Variants in DLGAP2 observed in about 807,000 individuals in gnomAD.
DLGAP2 encodes disks large-associated protein 2.
DLGAP2 carries 26 observed loss-of-function variants against 100.3 expected under a neutral mutation model. The ratio of observed to expected loss-of-function variants is 0.26; its 90% CI spans 0.19 to 0.36. DLGAP2 has a LOEUF of 0.36. Ranked by LOEUF, DLGAP2 falls within the 10% of genes least tolerant of loss-of-function variation. DLGAP2 has a pLI of 1.00. For synonymous variants in DLGAP2, 886 were observed against 630.1 expected (o/e 1.41, Z -6.08); for missense variants, 1,858 against 1,453.2 (o/e 1.28, Z -4.53).
At chr8:867,669 T>G (rs1797524134) in intron 1 of DLGAP2, among the ~76,000 whole-genome samples, 1 of 152,222 alleles carries the variant, frequency 6.6e-6, no homozygotes, top group Non-Finnish European at 1.5e-5. Flanking sequence ...GCCTCATGAT[T>G]TAATGTGAGA....
At chr8:1,278,688 T>C (rs4601344) in intron 3 of DLGAP2, among the ~76,000 whole-genome samples, 133,648 of 152,254 alleles carry the variant, frequency 0.88, 58,972 homozygotes, top group African/African-American at 0.97. Flanking sequence ...TGTGACCCTC[T>C]TATCTATATG....
chr8:802,649 G>T (rs1383879582), intron 1 of DLGAP2, among the ~76,000 whole-genome samples: 1 of 152,096 alleles, frequency 6.6e-6, no homozygotes, highest in Non-Finnish European at 1.5e-5. Flanking sequence ...CACCGTCTCA[G>T]GGGTCTTTTA....
chr8:1,595,084 C>G (rs1042366727), intron 6 of DLGAP2, among the ~76,000 whole-genome samples: 1 of 152,024 alleles, frequency 6.6e-6, no homozygotes, highest in East Asian at 1.9e-4. Flanking sequence ...CTCTGTCACC[C>G]AGGCTGGAGT....
At chr8:1,414,736 C>G (rs540559927) in intron 3 of DLGAP2, among the ~76,000 whole-genome samples, 1 of 152,156 alleles carries the variant, frequency 6.6e-6, no homozygotes, top group Non-Finnish European at 1.5e-5. Context: ...TGGCTGGGCA[C>G]GGTGGTGCAT....
chr8:1,219,180 G>A (rs1024063777), intron 2 of DLGAP2, among the ~76,000 whole-genome samples: 1 of 152,066 alleles, frequency 6.6e-6, no homozygotes, highest in Admixed American at 6.6e-5. Flanking sequence ...AGTGTGAGAG[G>A]GCATTCTTGT....
At chr8:787,186 G>T (rs1442880641) in intron 1 of DLGAP2, among the ~76,000 whole-genome samples, 1 of 152,166 alleles carries the variant, frequency 6.6e-6, no homozygotes, top group Non-Finnish European at 1.5e-5. Context: ...CCCAGCCTCA[G>T]CTGGTCCTTC....
chr8:1,546,703 G>T (rs1008681885), intron 4 of DLGAP2, among the ~76,000 whole-genome samples: 2 of 152,180 alleles, frequency 1.3e-5, no homozygotes, highest in Non-Finnish European at 2.9e-5. Flanking sequence ...TGCTCAGGGA[G>T]TCAGAGTGGG....
At chr8:757,400 C>T (rs964606147) in intron 1 of DLGAP2, among the ~76,000 whole-genome samples, 1 of 152,200 alleles carries the variant, frequency 6.6e-6, no homozygotes, top group African/African-American at 2.4e-5. Context: ...CATGTGTCGG[C>T]CATGGTGCAG....
At chr8:1,472,939 CA>C (rs1250451216) in intron 3 of DLGAP2, among the ~76,000 whole-genome samples, 1 of 151,832 alleles carries the variant, frequency 6.6e-6, no homozygotes, top group Non-Finnish European at 1.5e-5. Context: ...ATAATTCACA[CA>C]ATTTTTTTTT....
chr8:1,493,320 G>T (rs1799447957), intron 3 of DLGAP2, among the ~76,000 whole-genome samples: 1 of 151,786 alleles, frequency 6.6e-6, no homozygotes, highest in Non-Finnish European at 1.5e-5. Flanking sequence ...CCATCTCCGT[G>T]GCTTTCAGAC....
intron 3 of DLGAP2, among the ~76,000 whole-genome samples, chr8:1,385,754 A>G (rs1340259563): frequency 1.8e-4 from 17 of 95,986 alleles, no homozygotes; most frequent in South Asian, 3.8e-4. Flanking sequence ...ACCCCGGCCT[A>G]TGCCCATCCC....
chr8:878,919 C>G lies in DLGAP2; in HGVS notation c.19-28993C>G, dbSNP rs1386694004. Among the ~76,000 whole-genome samples, 10 of 152,274 alleles carry G rather than the reference C, an allele frequency of 6.6e-5. No homozygotes were observed. The East Asian group carries it at 1.7e-3, about 26-fold the overall frequency. On this transcript the variant is annotated intron_variant, in intron 1 of 14. Transcript: ENST00000637795. ...ATACCTCTTCTCTTTGCAGATTACC[C>G]TGCCTCAGATACTGTGTTATAGCAA...
At chr8:1,269,727 G>T (rs1310609431) in intron 3 of DLGAP2, among the ~76,000 whole-genome samples, 1 of 152,148 alleles carries the variant, frequency 6.6e-6, no homozygotes, top group Non-Finnish European at 1.5e-5. Context: ...CTTGTGATCA[G>T]ATGACCCAGA....
chr8:763,232 G>A (rs977537350), intron 1 of DLGAP2, among the ~76,000 whole-genome samples: 7 of 152,224 alleles, frequency 4.6e-5, no homozygotes, highest in African/African-American at 1.7e-4. Context: ...GAGGACTGGG[G>A]TTAACCCGCA....
intron 2 of DLGAP2, among the ~76,000 whole-genome samples, chr8:1,095,403 G>A (rs568981256): frequency 2.6e-5 from 4 of 152,136 alleles, no homozygotes; most frequent in African/African-American, 9.7e-5. Context: ...CCCTCGCCCG[G>A]GGTTCTTGTT....
chr8:1,663,751 T>C (rs1256523257), intron 8 of DLGAP2, among the ~76,000 whole-genome samples: 1 of 152,096 alleles, frequency 6.6e-6, no homozygotes, highest in Non-Finnish European at 1.5e-5. Context: ...AAAAATCATC[T>C]CAAGATATTA....
At chr8:1,202,219 T>C (rs1412774986) in intron 2 of DLGAP2, among the ~76,000 whole-genome samples, 2 of 150,856 alleles carry the variant, frequency 1.3e-5, no homozygotes, top group Non-Finnish European at 2.9e-5. Flanking sequence ...TGTGTATGCA[T>C]GTATTCTGTA....
intron 3 of DLGAP2, among the ~76,000 whole-genome samples, chr8:1,269,440 C>G (rs1364447442): frequency 6.6e-6 from 1 of 152,202 alleles, no homozygotes; most frequent in Non-Finnish European, 1.5e-5. Context: ...TCCTGTAACA[C>G]TTGCTCCAGG....
intron 2 of DLGAP2, among the ~76,000 whole-genome samples, chr8:1,047,425 A>T (rs1054819350): frequency 6.6e-5 from 10 of 152,170 alleles, no homozygotes; most frequent in African/African-American, 2.4e-4. Context: ...ATATTTTAAA[A>T]TCCAAAATGC....
Sources: gnomAD v4.1 joint callset for allele counts (sites outside exome capture counted in the v4.1 genomes callset) on GRCh38, gnomAD v4.1.1 for gene constraint, MANE v1.5 for transcripts, NCBI Gene and HGNC (gene_info 2026-07-23, HGNC 2026-07-21) for gene names.